ADAM22: variants seen among roughly 807,000 people sequenced by gnomAD.
The protein encoded by ADAM22 is disintegrin and metalloproteinase domain-containing protein 22.
In ADAM22, 65 loss-of-function variants were observed where a neutral mutation model predicts 144.6. The ratio of observed to expected loss-of-function variants is 0.45; its 90% CI spans 0.37 to 0.55. ADAM22 has a LOEUF of 0.55. Among genes scored for constraint, ADAM22 ranks in the 20% least tolerant of loss-of-function variants. The pLI, the probability that ADAM22 is intolerant of heterozygous loss-of-function variation, is 0.00. For missense variants in ADAM22, 974 were observed against 1,184.9 expected (o/e 0.82, Z 2.61); for synonymous variants, 391 against 412.6 (o/e 0.95, Z 0.63).
At chr7:88,072,505 C>T (rs1194482001) in intron 3 of ADAM22, among the ~76,000 whole-genome samples, 1 of 152,132 alleles carries the variant, frequency 6.6e-6, no homozygotes, top group East Asian at 1.9e-4. Context: ...TGGGGTTTGA[C>T]TCATGTGACA....
chr7:88,182,375 C>T (rs544042650), intron 29 of ADAM22, among the ~76,000 whole-genome samples: 1 of 152,276 alleles, frequency 6.6e-6, no homozygotes, highest in East Asian at 1.9e-4. Flanking sequence ...CCCTTCCTCT[C>T]CCCAATACTC....
At chr7:88,160,417 G>T (rs1302870036) in intron 22 of ADAM22, among the ~76,000 whole-genome samples, 1 of 151,666 alleles carries the variant, frequency 6.6e-6, no homozygotes, top group Non-Finnish European at 1.5e-5. Flanking sequence ...AATTCACAGG[G>T]AACTAAAAAG....
chr7:88,045,584 A>G (rs950101131), intron 3 of ADAM22, among the ~76,000 whole-genome samples: 2 of 152,168 alleles, frequency 1.3e-5, no homozygotes, highest in African/African-American at 2.4e-5. Context: ...TATATAATAC[A>G]TTACTAACTG....
intron 21 of ADAM22, among the ~76,000 whole-genome samples, chr7:88,153,974 T>C (rs991618164): frequency 6.6e-6 from 1 of 152,310 alleles, no homozygotes; most frequent in Admixed American, 6.5e-5. Context: ...TTGTTGAAAG[T>C]TCACTGGTTC....
In ADAM22 at chr7:88,085,361, TA is replaced by T. The variant is rs573007267; in HGVS notation, c.390+9672del. On this transcript the variant is annotated intron_variant, in intron 4 of 31. Coordinates refer to ENST00000413139, the MANE Select transcript of ADAM22 (RefSeq NM_001324418.2). ...TTAACAATGGCTAGAAACCAGTTGA[TA>T]AATGGCTGTACTCAGGTGTCTTTGA... Among the ~76,000 whole-genome samples the T allele has an allele frequency of 8.5e-3, 1,297 of 152,294 alleles. 9 individuals carry two copies. The highest frequency in any genetic ancestry group is 0.051 in the Middle Eastern group (15 of 294).
chr7:88,155,826 T>C (rs2129527652), intron 21 of ADAM22, 61 bp from the exon 22 acceptor site: 2 of 1,560,544 alleles, frequency 1.3e-6, no homozygotes, highest in Non-Finnish European at 1.7e-6. Context: ...AAGATTATTC[T>C]AACTGTACAT....
intron 30 of ADAM22, among the ~76,000 whole-genome samples, chr7:88,189,162 G>T (rs1450430124): frequency 6.6e-6 from 1 of 152,176 alleles, no homozygotes; most frequent in Non-Finnish European, 1.5e-5. Context: ...GATGGTGGTT[G>T]CTCAGGTTGT....
chr7:88,120,333 C>T (rs769250404), intron 7 of ADAM22, among the ~76,000 whole-genome samples: 33 of 152,154 alleles, frequency 2.2e-4, no homozygotes, highest in Middle Eastern at 3.4e-3. Flanking sequence ...CCCCCTTCCC[C>T]CACCCCACAA....
chr7:87,982,843 C>T (rs185065237), intron 3 of ADAM22, among the ~76,000 whole-genome samples: 7 of 150,352 alleles, frequency 4.7e-5, no homozygotes, highest in Admixed American at 2.6e-4. Context: ...TACAGTGCAC[C>T]ACAACACCCG....
rs1319870090 is a variant in ADAM22 at position 88,197,333 on chromosome 7, C to CTTAT, written c.*843_*844insTATT. On this transcript the variant is annotated 3_prime_UTR_variant, in exon 32 of 32. Transcript: ENST00000413139. ...GATATCCCTTTAACCTGTGCACAGT[C>CTTAT]TGGAGGCAGTTTTATTGAGTGAGTA... 3 of 152,210 alleles carry CTTAT rather than the reference C, an allele frequency of 2.0e-5. No homozygotes were observed. The highest frequency in any genetic ancestry group is 7.2e-5 in the African/African-American group (3 of 41,454). 9.4% of individuals were successfully genotyped at this position (152,210 alleles called of 1,614,324 possible).
At chr7:87,954,869 TTTCATTTCA>T (rs1483193442) in intron 2 of ADAM22, among the ~76,000 whole-genome samples, 1 of 150,838 alleles carries the variant, frequency 6.6e-6, no homozygotes, top group Non-Finnish European at 1.5e-5. Flanking sequence ...TCTAAACTTG[TTTCATTTCA>T]TTCATTTCAT....
chr7:87,942,049 T>A (rs1003178770), intron 2 of ADAM22, among the ~76,000 whole-genome samples: 1 of 152,004 alleles, frequency 6.6e-6, no homozygotes, highest in African/African-American at 2.4e-5. Flanking sequence ...GTGGGGCTAA[T>A]TAGATAGGGC....
In ADAM22 at chr7:88,112,681, C is replaced by A. The variant is rs578109236; in HGVS notation, c.474-1903C>A. Among the ~76,000 whole-genome samples, 5 of 152,192 alleles carry A rather than the reference C, an allele frequency of 3.3e-5. No individual in the cohort carries two copies. The South Asian group carries it at 8.3e-4, about 25-fold the overall frequency. ...GGATTTCTCAGATGGCTGGTAGCCA[C>A]CCCCAGCCTACGAGGTCCAAAATGG... is the stretch of plus-strand genomic sequence containing the variant. On this transcript the variant is annotated intron_variant, in intron 5 of 31. Coordinates refer to ENST00000413139, the MANE Select transcript of ADAM22 (RefSeq NM_001324418.2).
chr7:88,134,571 A>G, intron 13 of ADAM22, 152 bp downstream of exon 13: 1 of 555,628 alleles, frequency 1.8e-6, no homozygotes, highest in Non-Finnish European at 3.1e-6. Flanking sequence ...GTTGTTTTCC[A>G]AAGTAATACA....
intron 3 of ADAM22, among the ~76,000 whole-genome samples, chr7:88,049,559 C>T (rs896779767): frequency 6.6e-5 from 10 of 152,042 alleles, no homozygotes; most frequent in African/African-American, 1.9e-4. Flanking sequence ...CCACCACGCC[C>T]GGCTAATTTT....
chr7:88,039,464 A>AAAAAAAAAAAAAAAAAAAAATATAT, intron 3 of ADAM22, among the ~76,000 whole-genome samples: 4 of 76,374 alleles, frequency 5.2e-5, no homozygotes, highest in Admixed American at 1.5e-4. Context: ...AAAAAAAAAA[A>AAAAAAAAAAAAAAAAAAAAATATAT]ATATATATAT....
rs1842111716 is a variant in ADAM22 at position 88,163,009 on chromosome 7, T to C, written c.1908-3T>C. On this transcript the variant is annotated splice_region_variant and splice_polypyrimidine_tract_variant and intron_variant, in intron 22 of 31. Coordinates refer to ENST00000413139, the MANE Select transcript of ADAM22 (RefSeq NM_001324418.2). Reference sequence around the variant, plus strand: ...TCATTTTTTGCTCTCAATTTGTTTTTAGTGGTGGGCATGTTAAGCTTGAAG... The same window carrying C: ...TCATTTTTTGCTCTCAATTTGTTTTCAGTGGTGGGCATGTTAAGCTTGAAG... The C allele has an allele frequency of 1.9e-6, 3 of 1,605,128 alleles. No homozygotes were observed. Among genetic ancestry groups the C allele is most frequent in the Non-Finnish European group, 8.5e-7 (1 of 1,177,198 alleles).
intron 3 of ADAM22, among the ~76,000 whole-genome samples, chr7:87,990,316 T>G (rs1346121548): frequency 6.6e-6 from 1 of 152,196 alleles, no homozygotes; most frequent in Non-Finnish European, 1.5e-5. Flanking sequence ...TTGTAGATCA[T>G]TTTTCTACAG....
At chr7:87,959,817 A>C (rs1847641253) in intron 2 of ADAM22, among the ~76,000 whole-genome samples, 1 of 152,236 alleles carries the variant, frequency 6.6e-6, no homozygotes, top group African/African-American at 2.4e-5. Flanking sequence ...GATTTTTAAT[A>C]TAGTTTTTAA....
Sources: gnomAD v4.1 joint callset for allele counts (sites outside exome capture counted in the v4.1 genomes callset) on GRCh38, gnomAD v4.1.1 for gene constraint, MANE v1.5 for transcripts, NCBI Gene and HGNC (gene_info 2026-07-23, HGNC 2026-07-21) for gene names.